Variants in NSUN6 observed in about 807,000 individuals in gnomAD.
NSUN6 encodes the protein tRNA (cytosine(72)-C(5))-methyltransferase NSUN6.
A neutral mutation model predicts 58.0 loss-of-function variants in NSUN6; 64 were observed. The ratio of observed to expected loss-of-function variants is 1.10; its 90% CI spans 0.90 to 1.36. The LOEUF is 1.36. Ranked by LOEUF, NSUN6 falls within the 40% of genes most tolerant of loss-of-function variation. The pLI is 0.00. For synonymous variants in NSUN6, 231 were observed against 193.9 expected (o/e 1.19, Z -1.59); for missense variants, 701 against 550.1 (o/e 1.27, Z -2.74).
intron 7 of NSUN6, among the ~76,000 whole-genome samples, chr10:18,588,620 T>C (rs1470983789): frequency 6.6e-6 from 1 of 152,092 alleles, no homozygotes; most frequent in Non-Finnish European, 1.5e-5. Context: ...CCTCCACTGG[T>C]GATACCCAGT....
At chr10:18,590,328 A>T (rs866680630) in intron 7 of NSUN6, among the ~76,000 whole-genome samples, 4 of 152,118 alleles carry the variant, frequency 2.6e-5, no homozygotes, top group Non-Finnish European at 4.4e-5. Flanking sequence ...TTAACACCCT[A>T]CTGTTAATAG....
At chr10:18,612,904 T>G (rs2058286382) in intron 5 of NSUN6, among the ~76,000 whole-genome samples, 1 of 152,176 alleles carries the variant, frequency 6.6e-6, no homozygotes. Flanking sequence ...CACCTGGAAT[T>G]CAAGAAAGCA....
At chr10:18,595,851 C>T (rs1329116887) in intron 7 of NSUN6, among the ~76,000 whole-genome samples, 3 of 151,972 alleles carry the variant, frequency 2.0e-5, no homozygotes, top group Non-Finnish European at 4.4e-5. Context: ...ACATATTTCA[C>T]ACTTTGATAA....
intron 10 of NSUN6, among the ~76,000 whole-genome samples, chr10:18,546,916 G>C (rs944293468): frequency 6.6e-6 from 1 of 150,712 alleles, no homozygotes; most frequent in Non-Finnish European, 1.5e-5. Flanking sequence ...AGAAGGAAGG[G>C]AGTGGGGACG....
intron 2 of NSUN6, among the ~76,000 whole-genome samples, chr10:18,648,246 C>T (rs775738325): frequency 2.6e-5 from 4 of 152,042 alleles, no homozygotes; most frequent in Non-Finnish European, 5.9e-5. Context: ...CAGTTTAATG[C>T]GGCCCAGAGG....
At chr10:18,612,915 A>G (rs2131337511) in intron 5 of NSUN6, among the ~76,000 whole-genome samples, 1 of 152,292 alleles carries the variant, frequency 6.6e-6, no homozygotes, top group African/African-American at 2.4e-5. Context: ...CAAGAAAGCA[A>G]AGGACTCAAA....
chr10:18,548,033 C>A, intron 10 of NSUN6, 79 bp downstream of exon 10: 33 of 1,381,196 alleles, frequency 2.4e-5, no homozygotes, highest in Non-Finnish European at 3.2e-5. Flanking sequence ...CTTATCTCTT[C>A]GTTAACACCC....
rs2059416439 is a variant in NSUN6, at chr10:18,642,421, C to T, written c.311+55G>A. 9 of 859,560 alleles carry T rather than the reference C, an allele frequency of 1.0e-5. No homozygotes were observed. The Admixed American group carries it at 1.8e-4, about 17-fold the overall frequency. The allele number at this position is 859,560 out of a possible 1,614,324, so 53.2% of individuals were successfully genotyped here. ...TATCACTGAACAATTAAAAAGCTCCCTGTGACAAACTTTTATTGAGAATAA... is the reference window on the plus strand; with the variant it reads ...TATCACTGAACAATTAAAAAGCTCCTTGTGACAAACTTTTATTGAGAATAA... On this transcript the variant is annotated intron_variant, in intron 3 of 10. Coordinates refer to ENST00000377304, the MANE Select transcript of NSUN6 (RefSeq NM_182543.5).
chr10:18,620,179 C>T (rs1421801840), intron 3 of NSUN6, among the ~76,000 whole-genome samples: 1 of 151,908 alleles, frequency 6.6e-6, no homozygotes, highest in Non-Finnish European at 1.5e-5. Context: ...GCTCCACCTC[C>T]CGGGTTCACG....
At chr10:18,637,165 G>A (rs1300982738) in intron 3 of NSUN6, among the ~76,000 whole-genome samples, 1 of 151,954 alleles carries the variant, frequency 6.6e-6, no homozygotes, top group East Asian at 2.0e-4. Flanking sequence ...GTTTCACCAT[G>A]TTGCTCAGGC....
intron 6 of NSUN6, among the ~76,000 whole-genome samples, chr10:18,602,542 G>C (rs1004114922): frequency 1.3e-5 from 2 of 148,732 alleles, no homozygotes; most frequent in Admixed American, 6.7e-5. Flanking sequence ...CCTAATTTTT[G>C]TATTTTTAGT....
chr10:18,654,818 T>G (rs1343851587), upstream of NSUN6: 1 of 152,514 alleles, frequency 6.6e-6, no homozygotes, highest in Admixed American at 6.5e-5. Context: ...AGGCAGAGGT[T>G]GCAGTGAGCC....
chr10:18,574,377 A>G (rs2056547555), intron 8 of NSUN6, among the ~76,000 whole-genome samples: 1 of 152,148 alleles, frequency 6.6e-6, no homozygotes, highest in Admixed American at 6.6e-5. Context: ...GATTTAACAT[A>G]GACCACCGAA....
chr10:18,602,887 G>GTCTT (rs2057901632), intron 6 of NSUN6, among the ~76,000 whole-genome samples: 1 of 152,180 alleles, frequency 6.6e-6, no homozygotes, highest in African/African-American at 2.4e-5. Flanking sequence ...GTAGCTACAA[G>GTCTT]TGGTAAGTCA....
At position 18,612,939 on chromosome 10, in the gene NSUN6, T is replaced by G. The variant is rs184793987; in HGVS notation, c.575+1521A>C. On this transcript the variant is annotated intron_variant, in intron 5 of 10. Coordinates refer to ENST00000377304, the MANE Select transcript of NSUN6 (RefSeq NM_182543.5). ...AAAGGACTCAAATTCACTAACTGAA[T>G]AGCAATTGTACCATTAGTTGTGTTG... 1.1e-3 allele frequency among the ~76,000 whole-genome samples: 167 copies of G among 152,320 alleles called. 1 individual carries two copies. The highest frequency in any genetic ancestry group is 3.9e-3 in the African/African-American group (161 of 41,576).
intron 8 of NSUN6, among the ~76,000 whole-genome samples, chr10:18,555,300 G>T (rs1233515084): frequency 6.6e-6 from 1 of 151,250 alleles, no homozygotes. Context: ...GAATGGAATG[G>T]AGAATGGAAT....
rs138726723 is a variant in NSUN6 at position 18,623,431 on chromosome 10, T to C, written c.312-7138A>G. Among the ~76,000 whole-genome samples the C allele has an allele frequency of 4.8e-3, 727 of 152,136 alleles. 5 individuals are homozygous for C. The highest frequency in any genetic ancestry group is 0.013 in the African/African-American group (548 of 41,498). On this transcript the variant is annotated intron_variant, in intron 3 of 10. Transcript: ENST00000377304. ...CTATAATTGCGATGATGAGAAAAAA[T>C]TGGCTGACAGTGAACTTTGAGCCAA...
At chr10:18,635,964 C>A (rs956534896) in intron 3 of NSUN6, among the ~76,000 whole-genome samples, 3 of 150,472 alleles carry the variant, frequency 2.0e-5, no homozygotes, top group African/African-American at 7.3e-5. Flanking sequence ...GATCTCCAAG[C>A]AGAAGACAAG....
At chr10:18,652,999 T>C, upstream of NSUN6, 3 of 985,196 alleles carry the variant, frequency 3.0e-6, no homozygotes, top group South Asian at 4.7e-5. Context: ...AGCATATTTC[T>C]TCAATAAATC....
Sources: gnomAD v4.1 joint callset for allele counts (sites outside exome capture counted in the v4.1 genomes callset) on GRCh38, gnomAD v4.1.1 for gene constraint, MANE v1.5 for transcripts, NCBI Gene and HGNC (gene_info 2026-07-23, HGNC 2026-07-21) for gene names.